Variants in ESRRG observed in about 807,000 individuals in gnomAD.
The protein encoded by ESRRG is estrogen related receptor gamma, also known as estrogen-related receptor gamma.
In ESRRG, 13 loss-of-function variants were observed where a neutral mutation model predicts 44.0. That is an observed-to-expected ratio of 0.30 (90% confidence interval 0.19 to 0.47). The LOEUF is 0.47. Ranked by LOEUF, ESRRG falls within the 20% of genes least tolerant of loss-of-function variation. The pLI, the probability that ESRRG is intolerant of heterozygous loss-of-function variation, is 1.00. For synonymous variants in ESRRG, 215 were observed against 214.6 expected, an observed-to-expected ratio of 1.00 and a Z score of -0.02; for missense variants, 395 against 580.6, an observed-to-expected ratio of 0.68 and a Z score of 3.29.
intron 2 of ESRRG, among the ~76,000 whole-genome samples, chr1:216,880,349 T>C (rs930106015): frequency 1.4e-5 from 2 of 140,120 alleles, no homozygotes; most frequent in African/African-American, 5.2e-5. Context: ...TCATGCACCT[T>C]AAATACTTTC....
At position 217,128,639 on chromosome 1, in the gene ESRRG, T is replaced by C. The variant is rs555356905; in HGVS notation, c.-230+9028A>G. On this transcript the variant is annotated intron_variant, in intron 1 of 8. Transcript: ENST00000366940. ...ATCCTGAGATAAAAGATCTCATTCATAGGCTAGACACCTTATCTGAATAAC... is the reference window on the plus strand; with the variant it reads ...ATCCTGAGATAAAAGATCTCATTCACAGGCTAGACACCTTATCTGAATAAC... Among the ~76,000 whole-genome samples the C allele has an allele frequency of 1.7e-3, 264 of 152,358 alleles. 2 individuals are homozygous for C. The highest frequency in any genetic ancestry group is 6.8e-3 in the South Asian group (33 of 4,830).
At chr1:216,693,886 T>C (rs2079580045) in intron 1 of ESRRG, among the ~76,000 whole-genome samples, 1 of 152,202 alleles carries the variant, frequency 6.6e-6, no homozygotes. Context: ...GAACAAACCA[T>C]GAATTCACAC....
chr1:216,545,301 G>A (rs2054166298), intron 5 of ESRRG, among the ~76,000 whole-genome samples: 1 of 151,508 alleles, frequency 6.6e-6, no homozygotes, highest in Non-Finnish European at 1.5e-5. Context: ...GGCTTTAAGG[G>A]ATCCTTCTGC....
At chr1:217,077,200 A>C (rs1451375124) in intron 1 of ESRRG, among the ~76,000 whole-genome samples, 2 of 152,196 alleles carry the variant, frequency 1.3e-5, no homozygotes, top group Admixed American at 6.5e-5. Flanking sequence ...AGTTAAATGG[A>C]ATGCAGCTCT....
chr1:217,124,976 C>T (rs1309331314), intron 1 of ESRRG, among the ~76,000 whole-genome samples: 1 of 152,156 alleles, frequency 6.6e-6, no homozygotes, highest in Non-Finnish European at 1.5e-5. Context: ...TAAAACAACC[C>T]TTCTGTCTTA....
chr1:217,081,244 T>TTTTTTTTTTTA (rs2091746373), intron 1 of ESRRG, among the ~76,000 whole-genome samples: 2 of 143,912 alleles, frequency 1.4e-5, no homozygotes, highest in African/African-American at 2.6e-5. Flanking sequence ...TTTTTTTTTT[T>TTTTTTTTTTTA]GAGACAGAGT....
chr1:217,025,210 C>T (rs947440157), intron 1 of ESRRG, among the ~76,000 whole-genome samples: 1 of 152,134 alleles, frequency 6.6e-6, no homozygotes, highest in African/African-American at 2.4e-5. Context: ...CCACAGAGTG[C>T]TTTTGTTTTC....
At chr1:216,681,595 T>C (rs2077043198) in intron 1 of ESRRG, among the ~76,000 whole-genome samples, 1 of 152,170 alleles carries the variant, frequency 6.6e-6, no homozygotes, top group Admixed American at 6.5e-5. Context: ...ATTCTGATGA[T>C]CATACTTCAA....
intron 1 of ESRRG, among the ~76,000 whole-genome samples, chr1:216,946,475 A>T (rs1323842131): frequency 6.6e-6 from 1 of 152,216 alleles, no homozygotes; most frequent in African/African-American, 2.4e-5. Context: ...CACCACACCC[A>T]CATCTGCATG....
At chr1:216,557,735 C>T (rs1194321611) in intron 5 of ESRRG, among the ~76,000 whole-genome samples, 2 of 152,104 alleles carry the variant, frequency 1.3e-5, no homozygotes, top group East Asian at 1.9e-4. Flanking sequence ...TAGATTATCA[C>T]AAATGTATGC....
At chr1:216,582,907 A>G (rs2063065895) in intron 3 of ESRRG, among the ~76,000 whole-genome samples, 1 of 152,202 alleles carries the variant, frequency 6.6e-6, no homozygotes, top group South Asian at 2.1e-4. Context: ...GGGTTTGTCA[A>G]TCCTAGAGTA....
At chr1:216,746,661 T>G (rs1284007617) in intron 2 of ESRRG, among the ~76,000 whole-genome samples, 1 of 152,184 alleles carries the variant, frequency 6.6e-6, no homozygotes, top group Non-Finnish European at 1.5e-5. Context: ...CTATAGCTGA[T>G]TAGTGACCTG....
chr1:216,931,835 C>CAAAAAAAAAAAAAAAAA (rs56050369), intron 2 of ESRRG, among the ~76,000 whole-genome samples: 2 of 130,976 alleles, frequency 1.5e-5, no homozygotes, highest in East Asian at 2.1e-4. Context: ...TGAGAAACCA[C>CAAAAAAAAAAAAAAAAA]AAAAAAAAAA....
chr1:216,815,770 C>T (rs2095116456), intron 2 of ESRRG, among the ~76,000 whole-genome samples: 1 of 152,242 alleles, frequency 6.6e-6, no homozygotes, highest in Non-Finnish European at 1.5e-5. Context: ...TACGAAAGCA[C>T]ATGCTCCCTG....
chr1:216,557,053 G>C (rs2057735554), intron 5 of ESRRG, among the ~76,000 whole-genome samples: 1 of 152,160 alleles, frequency 6.6e-6, no homozygotes, highest in African/African-American at 2.4e-5. Flanking sequence ...TCTGAAGAGA[G>C]TCAGAGACAG....
intron 2 of ESRRG, among the ~76,000 whole-genome samples, chr1:216,729,537 A>G (rs1265740045): frequency 1.3e-5 from 2 of 152,186 alleles, no homozygotes; most frequent in South Asian, 2.1e-4. Context: ...ATTGCTTGCC[A>G]TACTGCCACA....
At chr1:216,773,306 G>T (rs186425728) in intron 2 of ESRRG, among the ~76,000 whole-genome samples, 1 of 152,072 alleles carries the variant, frequency 6.6e-6, no homozygotes, top group Non-Finnish European at 1.5e-5. Context: ...CACAGATATA[G>T]CTTGCTTTTG....
intron 2 of ESRRG, among the ~76,000 whole-genome samples, chr1:216,888,764 G>C (rs923603228): frequency 6.6e-6 from 1 of 151,286 alleles, no homozygotes; most frequent in Non-Finnish European, 1.5e-5. Context: ...ATAGAGCCCC[G>C]AAGATCAATA....
At chr1:217,049,753 C>T (rs181506586) in intron 1 of ESRRG, among the ~76,000 whole-genome samples, 33 of 152,250 alleles carry the variant, frequency 2.2e-4, no homozygotes, top group Admixed American at 3.3e-4. Flanking sequence ...AGAATTGGTT[C>T]CAATCCAGGG....
Sources: allele counts gnomAD v4.1 joint callset (sites outside exome capture counted in the v4.1 genomes callset), GRCh38; gene constraint gnomAD v4.1.1; transcripts MANE v1.5; gene names NCBI Gene and HGNC (gene_info 2026-07-23, HGNC 2026-07-21).